GLYR1: variants seen among roughly 807,000 people sequenced by gnomAD.
GLYR1 encodes cytokine-like nuclear factor N-PAC.
In GLYR1, 21 loss-of-function variants were observed where a neutral mutation model predicts 72.7. The ratio of observed to expected loss-of-function variants is 0.29; its 90% CI spans 0.20 to 0.42. The LOEUF (loss-of-function observed/expected upper bound fraction) is 0.42. Among genes scored for constraint, GLYR1 ranks in the 10% least tolerant of loss-of-function variants. The probability of loss-of-function intolerance (pLI) is 1.00; values close to 1 mark genes in which losing one functional copy is unlikely to be tolerated. For synonymous variants in GLYR1, 392 were observed against 270.2 expected (o/e 1.45, Z -4.42); for missense variants, 594 against 712.1 (o/e 0.83, Z 1.89).
rs1357428738 is a variant in GLYR1, at chr16:4,804,693, G to A, written c.*543C>T. The A allele has an allele frequency of 6.3e-6, 1 of 159,450 alleles. No individual in the cohort carries two copies. Among genetic ancestry groups the A allele is most frequent in the Non-Finnish European group, 1.4e-5 (1 of 71,876 alleles). The allele number at this position is 159,450 out of a possible 1,614,324, so 9.9% of individuals were successfully genotyped here. Reference sequence around the variant, plus strand: ...TCACCTGAGGTTGGAGGGCCCCAAGGGCCCCTCTGTCTGGAGTCTGTACTG... The same window carrying A: ...TCACCTGAGGTTGGAGGGCCCCAAGAGCCCCTCTGTCTGGAGTCTGTACTG... On this transcript the variant is annotated 3_prime_UTR_variant, in exon 16 of 16. Coordinates refer to ENST00000321919, the MANE Select transcript of GLYR1 (RefSeq NM_032569.4).
At chr16:4,810,994 A>G (rs2083294282) in intron 15 of GLYR1, among the ~76,000 whole-genome samples, 176 bp downstream of exon 15, 1 of 151,310 alleles carries the variant, frequency 6.6e-6, no homozygotes, top group Admixed American at 6.6e-5. Flanking sequence ...AATCCCAACT[A>G]CTCAGGAGGC....
In GLYR1 at chr16:4,803,935, TC is replaced by T. The variant is rs1243902549; in HGVS notation, c.*1300del. 3 of 151,610 alleles carry T rather than the reference TC, an allele frequency of 2.0e-5. No homozygotes were observed. Among genetic ancestry groups the T allele is most frequent in the African/African-American group, 7.3e-5 (3 of 41,262 alleles). 9.4% of individuals were successfully genotyped at this position (151,610 alleles called of 1,614,324 possible). On this transcript the variant is annotated 3_prime_UTR_variant, in exon 16 of 16. Transcript: ENST00000321919. ...TTGCAACATTCCAAGCCCCCCCCGG[TC>T]CCCTATCCAAGGACAAATGTAGGGC...
chr16:4,804,933 CTGTGTGTGTGTGTGTGTGTG>C lies in GLYR1; in HGVS notation c.*283_*302del, dbSNP rs143624351. 6.7e-6 allele frequency: 2 copies of C among 297,430 alleles called. No homozygotes were observed. The highest frequency in any genetic ancestry group is 1.3e-5 in the Non-Finnish European group (2 of 153,752). 18.4% of individuals were successfully genotyped at this position (297,430 alleles called of 1,614,324 possible). A position where few individuals can be genotyped will look rare whatever the true frequency, so the allele number is the denominator to read the frequency against. On this transcript the variant is annotated 3_prime_UTR_variant, in exon 16 of 16. Coordinates refer to ENST00000321919, the MANE Select transcript of GLYR1 (RefSeq NM_032569.4). ...GCAGCTTCTATCCTGGGGCGAGAGC[CTGTGTGTGTGTGTGTGTGTG>C]TGTGTGTGTGTGTGTGTGAACACAC...
intron 3 of GLYR1, among the ~76,000 whole-genome samples, chr16:4,844,708 C>A (rs1186291092): frequency 6.6e-6 from 1 of 152,200 alleles, no homozygotes; most frequent in Non-Finnish European, 1.5e-5. Context: ...TTGCGGTGAA[C>A]TGAGACTGCC....
Position 4,841,342 on chromosome 16 carries a change from T to A in GLYR1, c.155+3732A>T, listed in dbSNP as rs1161521698. Among the ~76,000 whole-genome samples the A allele has an allele frequency of 2.0e-5, 3 of 149,534 alleles. No homozygotes were observed. In the East Asian group the frequency reaches 5.9e-4, roughly 29 times the overall value. The stretch of plus-strand genomic sequence containing the variant: ...TTAGCATTAAAAAAAAAATCGGGGC[T>A]CGGCGCTGTGGCTCATGCCCATAAT... On this transcript the variant is annotated intron_variant, in intron 3 of 15. Transcript: ENST00000321919.
In GLYR1 at chr16:4,806,098, T is replaced by C. The variant is rs185812705; in HGVS notation, c.1588-788A>G. ...CTCAGAGTGAGAGTTCTCACACCTG[T>C]GGTGCTTCTGCCCCCAGGGGACATC... On this transcript the variant is annotated intron_variant, in intron 15 of 15. Transcript: ENST00000321919. 2.6e-3 allele frequency among the ~76,000 whole-genome samples: 396 copies of C among 152,316 alleles called. 4 individuals are homozygous for C. The highest frequency in any genetic ancestry group is 6.8e-3 in the Middle Eastern group (2 of 294).
At chr16:4,817,221 G>A (rs1251205731) in intron 10 of GLYR1, among the ~76,000 whole-genome samples, 1 of 151,660 alleles carries the variant, frequency 6.6e-6, no homozygotes, top group Non-Finnish European at 1.5e-5. Context: ...CCGGGTTCAT[G>A]CCATTCTCCT....
rs201058165 is a variant in GLYR1 at position 4,823,824 on chromosome 16, G to A, written c.621C>T (p.Ser207=). ...MAAFKWQPTA[S]EPVKDADPHF... is the part of the protein sequence containing the mutation. The stretch of plus-strand genomic sequence containing the variant: ...TGCCTGCAGGAGAGCTCCTTACCTC[G>A]CTTGCGGTTGGCTGCCATTTAAACG... The change falls in exon 6 of 16, where the codon AGC becomes AGT. Residue 207 remains serine (S), a synonymous_variant. Transcript: ENST00000321919. 21 of 1,612,392 alleles carry A rather than the reference G, an allele frequency of 1.3e-5. No homozygotes were observed. Among genetic ancestry groups the A allele is most frequent in the South Asian group, 3.3e-5 (3 of 91,024 alleles).
intron 10 of GLYR1, among the ~76,000 whole-genome samples, 154 bp downstream of exon 10, chr16:4,817,444 C>T (rs1041971694): frequency 2.6e-5 from 4 of 152,056 alleles, no homozygotes; most frequent in African/African-American, 9.7e-5. Flanking sequence ...TAATAACATC[C>T]TAAGTTTAGG....
At chr16:4,821,747 G>A in intron 7 of GLYR1, 150 bp from the exon 8 acceptor site, 2 of 697,548 alleles carry the variant, frequency 2.9e-6, no homozygotes, top group Non-Finnish European at 5.1e-6. Context: ...ACACTAGAAA[G>A]TTCATACACA....
intron 1 of GLYR1, 34 bp downstream of exon 1, chr16:4,847,194 G>A (rs759231600): frequency 6.3e-6 from 10 of 1,581,820 alleles, no homozygotes; most frequent in South Asian, 2.3e-5. Flanking sequence ...TAGCTCCCCG[G>A]CGCGTCTCGG....
rs201363083 is a variant in GLYR1, at chr16:4,832,927, A to G, written c.156-15T>C. The G allele has an allele frequency of 6.2e-7, 1 of 1,606,932 alleles. No individual in the cohort carries two copies. The highest frequency in any genetic ancestry group is 2.2e-5 in the East Asian group (1 of 44,740). On this transcript the variant is annotated splice_polypyrimidine_tract_variant and intron_variant, in intron 3 of 15. Coordinates refer to ENST00000321919, the MANE Select transcript of GLYR1 (RefSeq NM_032569.4). ...TGATCCAGGCACTAGCAGAAAACAA[A>G]CACAAAAAGGGTGTGAACCATATAG...
In GLYR1 at chr16:4,805,003, G is replaced by A. The variant is rs990213834; in HGVS notation, c.*233C>T. ...CAGCCACCTCGTCCGGGGGGCCAGTGCCCAGCTCAAGAGCTTTCCCACACG... is the reference window on the plus strand; with the variant it reads ...CAGCCACCTCGTCCGGGGGGCCAGTACCCAGCTCAAGAGCTTTCCCACACG... On this transcript the variant is annotated 3_prime_UTR_variant, in exon 16 of 16. Coordinates refer to ENST00000321919, the MANE Select transcript of GLYR1 (RefSeq NM_032569.4). 1.7e-6 allele frequency: 1 copy of A among 573,582 alleles called. No homozygotes were observed. Among genetic ancestry groups the A allele is most frequent in the Non-Finnish European group, 3.1e-6 (1 of 318,358 alleles). The allele number at this position is 573,582 out of a possible 1,614,324, so 35.5% of individuals were successfully genotyped here.
intron 3 of GLYR1, chr16:4,843,441 C>A (rs1473739880): frequency 1.6e-6 from 2 of 1,212,274 alleles, no homozygotes; most frequent in East Asian, 1.2e-4. Context: ...AGGCCTGAGG[C>A]ACCATGCCCG....
intron 3 of GLYR1, chr16:4,840,435 G>A (rs1216132138): frequency 6.6e-6 from 1 of 152,174 alleles, no homozygotes; most frequent in African/African-American, 2.4e-5. Flanking sequence ...GTGGAATGAT[G>A]CATGGTTTTG....
rs556029463 is a variant in GLYR1, at chr16:4,809,972, C to A, written c.1587+1198G>T. Among the ~76,000 whole-genome samples, 54 of 151,828 alleles carry A rather than the reference C, an allele frequency of 3.6e-4. 1 individual carries two copies. The South Asian group carries it at 9.0e-3, about 25-fold the overall frequency. On this transcript the variant is annotated intron_variant, in intron 15 of 15. Coordinates refer to ENST00000321919, the MANE Select transcript of GLYR1 (RefSeq NM_032569.4). ...ACAAAAAAACAAAAAAAACCCAATA[C>A]AGGGCAGGGCATGTTCTTTGATCAT...
chr16:4,837,017 G>C (rs1416544046), intron 3 of GLYR1, among the ~76,000 whole-genome samples: 2 of 152,048 alleles, frequency 1.3e-5, no homozygotes, highest in Non-Finnish European at 2.9e-5. Flanking sequence ...CCTATAAAAA[G>C]TCTCTTCATC....
intron 1 of GLYR1, 163 bp downstream of exon 1, chr16:4,847,065 T>G: frequency 1.5e-6 from 1 of 666,154 alleles, no homozygotes; most frequent in Non-Finnish European, 2.6e-6. Flanking sequence ...GGGACTGGAC[T>G]GCCCCTTCCG....
intron 1 of GLYR1, chr16:4,847,024 C>T (rs1192494392): frequency 1.2e-5 from 7 of 566,750 alleles, no homozygotes; most frequent in Non-Finnish European, 2.2e-5. Flanking sequence ...AAGCCGGTGC[C>T]CGACGTGGCC....
Sources: allele counts gnomAD v4.1 joint callset (sites outside exome capture counted in the v4.1 genomes callset), GRCh38; gene constraint gnomAD v4.1.1; transcripts MANE v1.5; gene names NCBI Gene and HGNC (gene_info 2026-07-23, HGNC 2026-07-21).